Variants in PKP4 observed in about 807,000 individuals in gnomAD.
PKP4 encodes the protein plakophilin 4.
Under a neutral mutation model 145.1 loss-of-function variants are expected in PKP4, and 90 were observed. That is an observed-to-expected ratio of 0.62 (90% CI 0.52 to 0.74). The LOEUF (loss-of-function observed/expected upper bound fraction) is 0.74. PKP4 is among the 30% of genes least tolerant of loss of function. The pLI is 0.00. For missense variants in PKP4, 1,340 were observed against 1,482.7 expected (o/e 0.90, Z 1.58); for synonymous variants, 563 against 577.2 (o/e 0.98, Z 0.35).
At chr2:158,522,480 C>T (rs1464756470) in intron 1 of PKP4, among the ~76,000 whole-genome samples, 2 of 152,166 alleles carry the variant, frequency 1.3e-5, no homozygotes, top group Non-Finnish European at 2.9e-5. Flanking sequence ...GCCAGTTTCA[C>T]ATATGAGCCT....
intron 2 of PKP4, among the ~76,000 whole-genome samples, chr2:158,560,546 A>G (rs1376908975): frequency 6.6e-6 from 1 of 152,252 alleles, no homozygotes; most frequent in Non-Finnish European, 1.5e-5. Flanking sequence ...GAGCTTAGTA[A>G]AAATGGAATC....
chr2:158,649,462 AT>A (rs1412583336), intron 11 of PKP4, among the ~76,000 whole-genome samples: 1 of 152,256 alleles, frequency 6.6e-6, no homozygotes, highest in African/African-American at 2.4e-5. Context: ...ATAGAGAAAT[AT>A]CCCTGAATTT....
chr2:158,500,720 A>C (rs762967139), intron 1 of PKP4, among the ~76,000 whole-genome samples: 5 of 152,202 alleles, frequency 3.3e-5, no homozygotes, highest in Non-Finnish European at 7.3e-5. Flanking sequence ...AGAGTTGTCC[A>C]CTTTGGGGTT....
intron 2 of PKP4, among the ~76,000 whole-genome samples, chr2:158,567,233 T>C (rs1271879584): frequency 6.6e-6 from 1 of 152,136 alleles, no homozygotes; most frequent in Non-Finnish European, 1.5e-5. Context: ...CAGAACACTA[T>C]ACCCTAGGGC....
At chr2:158,617,975 G>C (rs897383254) in intron 4 of PKP4, among the ~76,000 whole-genome samples, 1 of 152,152 alleles carries the variant, frequency 6.6e-6, no homozygotes, top group African/African-American at 2.4e-5. Flanking sequence ...TTAGGGTCAG[G>C]AGTTTGAGGC....
chr2:158,663,523 C>T, intron 15 of PKP4, 78 bp downstream of exon 15: 1 of 1,292,338 alleles, frequency 7.7e-7, no homozygotes, highest in South Asian at 1.4e-5. Flanking sequence ...TATGTTCTGC[C>T]TCAGTCAGAT....
chr2:158,472,800 G>A (rs1691810393), intron 1 of PKP4, among the ~76,000 whole-genome samples: 1 of 152,074 alleles, frequency 6.6e-6, no homozygotes, highest in South Asian at 2.1e-4. Flanking sequence ...AAAGGCTACA[G>A]ACTATAGCAT....
chr2:158,583,941 A>G (rs2048559475), intron 3 of PKP4, among the ~76,000 whole-genome samples: 1 of 152,124 alleles, frequency 6.6e-6, no homozygotes, highest in Non-Finnish European at 1.5e-5. Flanking sequence ...GCTCCACTAC[A>G]TACGAAATCC....
intron 1 of PKP4, among the ~76,000 whole-genome samples, chr2:158,494,385 C>T (rs568835311): frequency 5.9e-5 from 9 of 151,764 alleles, no homozygotes; most frequent in African/African-American, 1.7e-4. Context: ...TAAACTACAG[C>T]GTTATTTGCA....
intron 3 of PKP4, among the ~76,000 whole-genome samples, chr2:158,597,573 G>A (rs1194446007): frequency 6.6e-6 from 1 of 152,178 alleles, no homozygotes; most frequent in Non-Finnish European, 1.5e-5. Context: ...AATTCTGGAA[G>A]GATGATTGTT....
chr2:158,530,654 A>G (rs904300031), intron 1 of PKP4, among the ~76,000 whole-genome samples: 4 of 151,972 alleles, frequency 2.6e-5, no homozygotes, highest in South Asian at 2.1e-4. Flanking sequence ...TCATAGGTTT[A>G]TAACTTGTCA....
At chr2:158,494,563 A>C (rs1299421845) in intron 1 of PKP4, among the ~76,000 whole-genome samples, 2 of 152,200 alleles carry the variant, frequency 1.3e-5, no homozygotes, top group East Asian at 1.9e-4. Flanking sequence ...ATGGTAGTAG[A>C]TTACTTTCAT....
intron 1 of PKP4, among the ~76,000 whole-genome samples, chr2:158,486,207 G>C (rs1455136497): frequency 6.6e-6 from 1 of 152,120 alleles, no homozygotes; most frequent in Non-Finnish European, 1.5e-5. Context: ...TTTCCTATGT[G>C]AATATATGTG....
intron 8 of PKP4, 148 bp from the exon 9 acceptor site, chr2:158,633,922 T>C (rs2053603627): frequency 3.5e-6 from 2 of 571,858 alleles, no homozygotes; most frequent in Non-Finnish European, 6.2e-6. Context: ...TTTTTAGCAC[T>C]AATAAGGTAG....
intron 2 of PKP4, among the ~76,000 whole-genome samples, chr2:158,551,325 A>T (rs138237380): frequency 1.0e-3 from 154 of 152,328 alleles, no homozygotes; most frequent in Admixed American, 5.8e-3. Flanking sequence ...GCTTCTCTGA[A>T]TCTTCCCTCT....
chr2:158,560,241 A>T (rs1169485185), intron 2 of PKP4, among the ~76,000 whole-genome samples: 1 of 152,204 alleles, frequency 6.6e-6, no homozygotes, highest in Non-Finnish European at 1.5e-5. Flanking sequence ...GGGTTGTAAG[A>T]GTGCCTAATT....
intron 15 of PKP4, 89 bp downstream of exon 15, chr2:158,663,534 CAG>C: frequency 8.6e-7 from 1 of 1,168,080 alleles, no homozygotes; most frequent in South Asian, 1.5e-5. Context: ...TCAGTCAGAT[CAG>C]CCCTGATGGT....
rs749238207 is a variant in PKP4, at chr2:158,673,920, C to T, written c.3047C>T (p.Ser1016Leu). ...WNQNHFITPVSTLERDRFKSH... is the reference protein window; with the variant it reads ...WNQNHFITPVLTLERDRFKSH... ...CAGAACCATTTTATTACACCTGTGT[C>T]GACATTGGAGCGAGACCGATTCAAA... is the stretch of plus-strand genomic sequence containing the variant. Residue 1016 changes from serine to leucine, a missense_variant, in exon 19 of 22, where the codon TCG becomes TTG. Transcript: ENST00000389759. The T allele has an allele frequency of 4.3e-6, 7 of 1,612,612 alleles. No individual in the cohort carries two copies. The highest frequency in any genetic ancestry group is 2.2e-5 in the East Asian group (1 of 44,876).
chr2:158,499,982 A>G (rs1016484581), intron 1 of PKP4, among the ~76,000 whole-genome samples: 1 of 152,188 alleles, frequency 6.6e-6, no homozygotes, highest in Non-Finnish European at 1.5e-5. Flanking sequence ...TTTCCCAGAA[A>G]TGTTAGAAAG....
Sources: gnomAD v4.1 joint callset for allele counts (sites outside exome capture counted in the v4.1 genomes callset) on GRCh38, gnomAD v4.1.1 for gene constraint, MANE v1.5 for transcripts, NCBI Gene and HGNC (gene_info 2026-07-23, HGNC 2026-07-21) for gene names.